Variants in EEF1AKMT2 observed in about 807,000 individuals in gnomAD.
EEF1AKMT2 encodes eukaryotic translation elongation factor 1 alpha lysine methyltransferase 2.
A neutral mutation model predicts 35.8 loss-of-function variants in EEF1AKMT2; 32 were observed. The observed-to-expected ratio is 0.89, with a 90% CI of 0.67 to 1.20. The LOEUF (loss-of-function observed/expected upper bound fraction) is 1.20, where lower values mean the gene tolerates loss of function less well. EEF1AKMT2 is among the 50% of genes most tolerant of loss of function. EEF1AKMT2 has a pLI of 0.00. For synonymous variants in EEF1AKMT2, 121 were observed against 133.7 expected (o/e 0.91, Z 0.65); for missense variants, 330 against 347.5 (o/e 0.95, Z 0.40).
downstream of EEF1AKMT2, among the ~76,000 whole-genome samples, chr10:124,757,166 C>CCACA (rs55709011): frequency 5.4e-3 from 770 of 143,264 alleles, 8 homozygotes; most frequent in African/African-American, 0.016. Context: ...ACACTCCCTC[C>CCACA]CACACACACA....
At chr10:124,789,660 C>A (rs955250188) in intron 2 of EEF1AKMT2, among the ~76,000 whole-genome samples, 1 of 150,656 alleles carries the variant, frequency 6.6e-6, no homozygotes, top group African/African-American at 2.4e-5. Context: ...GAGGCTGTGG[C>A]GGGAGGATCA....
chr10:124,780,845 A>T (rs568845008), intron 3 of EEF1AKMT2, among the ~76,000 whole-genome samples: 4 of 152,322 alleles, frequency 2.6e-5, no homozygotes, highest in East Asian at 3.9e-4. Flanking sequence ...ACAAAGAAAA[A>T]AAATCTTAAA....
At chr10:124,770,721 C>A (rs543426106) in intron 4 of EEF1AKMT2, among the ~76,000 whole-genome samples, 1 of 152,324 alleles carries the variant, frequency 6.6e-6, no homozygotes, top group South Asian at 2.1e-4. Flanking sequence ...TGCTCTCAAA[C>A]CTTGCTACTG....
chr10:124,787,975 T>C (rs1950601469), intron 3 of EEF1AKMT2, among the ~76,000 whole-genome samples: 1 of 152,180 alleles, frequency 6.6e-6, no homozygotes, highest in South Asian at 2.1e-4. Flanking sequence ...TAAAAACATT[T>C]TAACAATTCC....
At chr10:124,787,370 T>C (rs1384864921) in intron 3 of EEF1AKMT2, among the ~76,000 whole-genome samples, 3 of 145,608 alleles carry the variant, frequency 2.1e-5, no homozygotes, top group Admixed American at 7.3e-5. Flanking sequence ...GTGGTGAAGG[T>C]TGCAGTGAGC....
At chr10:124,765,659 C>T (rs779314488) in intron 4 of EEF1AKMT2, 51 bp from the exon 5 acceptor site, 8 of 1,426,404 alleles carry the variant, frequency 5.6e-6, no homozygotes, top group Middle Eastern at 1.8e-4. Flanking sequence ...AAAATCCTTA[C>T]AGAATGTAAG....
intron 3 of EEF1AKMT2, among the ~76,000 whole-genome samples, chr10:124,787,137 G>A (rs564684239): frequency 0.027 from 1,601 of 60,120 alleles, 9 homozygotes; most frequent in Non-Finnish European, 0.033. Context: ...TAGTAGAGAC[G>A]GGGTTTCACC....
rs553227301 is a variant in EEF1AKMT2 at position 124,757,889 on chromosome 10, A to T, written c.*2614T>A. Reference sequence around the variant, plus strand: ...AAGAGTGATATCAGGTTTGATTCTCACATACATAAATGCCAGTCCCAAAAA... The same window carrying T: ...AAGAGTGATATCAGGTTTGATTCTCTCATACATAAATGCCAGTCCCAAAAA... On this transcript the variant is annotated 3_prime_UTR_variant, in exon 7 of 7. Transcript: ENST00000368836. 1 of 152,340 alleles carries T rather than the reference A, an allele frequency of 6.6e-6. No individual in the cohort carries two copies. The highest frequency in any genetic ancestry group is 1.9e-4 in the East Asian group (1 of 5,188). 9.4% of individuals were successfully genotyped at this position (152,340 alleles called of 1,614,324 possible).
intron 5 of EEF1AKMT2, among the ~76,000 whole-genome samples, chr10:124,763,187 T>C (rs1471620906): frequency 2.0e-5 from 3 of 152,238 alleles, no homozygotes; most frequent in Non-Finnish European, 4.4e-5. Context: ...TGGGTGGTTA[T>C]TGTTTTCATT....
intron 3 of EEF1AKMT2, among the ~76,000 whole-genome samples, chr10:124,780,421 TAAAG>T (rs1950530208): frequency 6.6e-6 from 1 of 152,046 alleles, no homozygotes; most frequent in African/African-American, 2.4e-5. Context: ...TAATGGTAAA[TAAAG>T]AAATCATGCA....
chr10:124,785,912 A>AAAAAAAAAAAAAC, intron 3 of EEF1AKMT2, among the ~76,000 whole-genome samples: 1 of 151,446 alleles, frequency 6.6e-6, no homozygotes, highest in Non-Finnish European at 1.5e-5. Flanking sequence ...AAAAAAAAAA[A>AAAAAAAAAAAAAC]AAAAAAGATA....
intron 5 of EEF1AKMT2, among the ~76,000 whole-genome samples, chr10:124,764,489 T>TAC (rs1228826751): frequency 6.6e-6 from 1 of 152,204 alleles, no homozygotes; most frequent in African/African-American, 2.4e-5. Flanking sequence ...GTGTATAGAT[T>TAC]ACAGATTCTC....
chr10:124,771,110 T>C lies in EEF1AKMT2; in HGVS notation c.399+3565A>G, dbSNP rs568161795. On this transcript the variant is annotated intron_variant, in intron 4 of 6. Transcript: ENST00000368836. ...TCCAGAAGGTTTTCTTTTTTCTTTT[T>C]TTTTTTTGAGACAGAGTCTTGCTCT... is the stretch of plus-strand genomic sequence containing the variant. Among the ~76,000 whole-genome samples, 17 of 151,980 alleles carry C rather than the reference T, an allele frequency of 1.1e-4. No individual in the cohort carries two copies. In the East Asian group the frequency reaches 3.3e-3, roughly 29 times the overall value.
At position 124,760,242 on chromosome 10, in the gene EEF1AKMT2, C is replaced by G. The variant is rs1277495646; in HGVS notation, c.*261G>C. On this transcript the variant is annotated 3_prime_UTR_variant, in exon 7 of 7. Coordinates refer to ENST00000368836, the MANE Select transcript of EEF1AKMT2 (RefSeq NM_212554.4). ...TTGATTGATCTCTAAAACCCAACCA[C>G]TTAGATGCTCATTATTATTATTTTC... The G allele has an allele frequency of 2.3e-6, 1 of 441,566 alleles. No individual in the cohort carries two copies. The highest frequency in any genetic ancestry group is 4.0e-6 in the Non-Finnish European group (1 of 247,460). 27.4% of individuals were successfully genotyped at this position (441,566 alleles called of 1,614,324 possible).
chr10:124,776,684 ACTCGGGAGG>A (rs1418292305), intron 3 of EEF1AKMT2, among the ~76,000 whole-genome samples: 1 of 151,784 alleles, frequency 6.6e-6, no homozygotes, highest in Non-Finnish European at 1.5e-5. Flanking sequence ...AATCCCAGCT[ACTCGGGAGG>A]CTGAGGCAGG....
In EEF1AKMT2 at chr10:124,774,766, G is replaced by A. The variant is rs779922228; in HGVS notation, c.308C>T (p.Ser103Phe). 2 of 1,462,050 alleles carry A rather than the reference G, an allele frequency of 1.4e-6. No individual in the cohort carries two copies. The highest frequency in any genetic ancestry group is 1.9e-4 in the Middle Eastern group (1 of 5,284). The allele number at this position is 1,462,050 out of a possible 1,614,324, so 90.6% of individuals were successfully genotyped here. Reference protein sequence around the residue: ...FLVELAKFGFSNITGIDYSPS... With the variant: ...FLVELAKFGFFNITGIDYSPS... ...AGAGTAATCAATTCCAGTAATATTA[G>A]AGAAACCAAATTTTGCCTAGAGAGA... The change falls in exon 4 of 7, where the codon TCT (serine) becomes TTT (phenylalanine). Residue 103 changes from serine to phenylalanine, a missense_variant. By Grantham distance (155) the Ser-to-Phe change is radical. Transcript: ENST00000368836.
chr10:124,789,953 G>C (rs528676733), intron 2 of EEF1AKMT2, among the ~76,000 whole-genome samples: 1 of 150,798 alleles, frequency 6.6e-6, no homozygotes, highest in African/African-American at 2.4e-5. Context: ...GTGCAGTGGC[G>C]CGATCTCAGC....
intron 4 of EEF1AKMT2, among the ~76,000 whole-genome samples, chr10:124,774,402 A>G (rs1448486726): frequency 1.3e-5 from 2 of 148,484 alleles, no homozygotes; most frequent in African/African-American, 2.5e-5. Flanking sequence ...AAAAAAAAAA[A>G]AAAAAAAACC....
chr10:124,769,451 T>C (rs1950410044), intron 4 of EEF1AKMT2, among the ~76,000 whole-genome samples: 1 of 151,754 alleles, frequency 6.6e-6, no homozygotes, highest in South Asian at 2.1e-4. Flanking sequence ...GACTATTAGC[T>C]TTCCAAATGG....
Sources: allele counts gnomAD v4.1 joint callset (sites outside exome capture counted in the v4.1 genomes callset), GRCh38; gene constraint gnomAD v4.1.1; transcripts MANE v1.5; gene names NCBI Gene and HGNC (gene_info 2026-07-23, HGNC 2026-07-21).